Variants in CELF2 observed in about 807,000 individuals in gnomAD.
CELF2 encodes the protein CUGBP Elav-like family member 2.
CELF2 carries 8 observed loss-of-function variants against 62.6 expected under a neutral mutation model. That is an observed-to-expected ratio of 0.13 (90% CI 0.07 to 0.23). The LOEUF is 0.23. CELF2 is among the 10% of genes least tolerant of loss of function. The pLI is 1.00. For synonymous variants in CELF2, 258 were observed against 250.0 expected (o/e 1.03, Z -0.30); for missense variants, 333 against 671.0 (o/e 0.50, Z 5.56).
At chr10:11,057,286 G>A (rs1407590029) in intron 1 of CELF2, among the ~76,000 whole-genome samples, 1 of 144,334 alleles carries the variant, frequency 6.9e-6, no homozygotes, top group Admixed American at 6.8e-5. Context: ...AGGGGTAGGG[G>A]ATGTGTGGGG....
chr10:10,570,234 G>C, the CELF2 span, among the ~76,000 whole-genome samples: 1 of 152,194 alleles, frequency 6.6e-6, no homozygotes, highest in African/African-American at 2.4e-5. Flanking sequence ...TCAGTCAATG[G>C]CCTGAAGAGC....
chr10:10,715,928 A>G, the CELF2 span, among the ~76,000 whole-genome samples: 1 of 152,308 alleles, frequency 6.6e-6, no homozygotes, highest in South Asian at 2.1e-4. Flanking sequence ...ATATGCCCTC[A>G]TTTGGGGTGA....
chr10:10,805,368 C>A (rs1202568800), intron 1 of CELF2, among the ~76,000 whole-genome samples: 2 of 152,198 alleles, frequency 1.3e-5, no homozygotes. Flanking sequence ...CTTTACTACA[C>A]CTCAGAGAGG....
chr10:11,287,299 TG>T (rs1347318134), intron 8 of CELF2, among the ~76,000 whole-genome samples: 2 of 152,202 alleles, frequency 1.3e-5, no homozygotes, highest in East Asian at 3.9e-4. Flanking sequence ...GCTTCTCACA[TG>T]TGCAGTCTTC....
intron 1 of CELF2, among the ~76,000 whole-genome samples, chr10:10,893,073 C>G (rs1018854427): frequency 1.3e-5 from 2 of 152,224 alleles, no homozygotes; most frequent in African/African-American, 4.8e-5. Flanking sequence ...TAGAGCAGAA[C>G]ATTCTAACAC....
intron 2 of CELF2, among the ~76,000 whole-genome samples, chr10:11,179,119 T>C (rs2072338019): frequency 6.6e-6 from 1 of 152,180 alleles, no homozygotes; most frequent in Admixed American, 6.5e-5. Context: ...TCCTTCGGAG[T>C]AATTTTTAAT....
chr10:11,030,561 A>C (rs1303102801), intron 1 of CELF2: 4 of 152,140 alleles, frequency 2.6e-5, no homozygotes, highest in African/African-American at 9.7e-5. Context: ...TCTTGTCTCC[A>C]AAGCCCGAGG....
intron 3 of CELF2, among the ~76,000 whole-genome samples, chr10:11,241,386 G>T (rs1442820862): frequency 6.6e-6 from 1 of 152,154 alleles, no homozygotes; most frequent in Non-Finnish European, 1.5e-5. Flanking sequence ...TTTTAGTAGA[G>T]ACAGAGTTTC....
intron 1 of CELF2, among the ~76,000 whole-genome samples, chr10:10,886,120 C>A (rs9424107): frequency 0.16 from 24,067 of 152,056 alleles, 2,278 homozygotes; most frequent in Non-Finnish European, 0.22. Context: ...TTCCTTGCTT[C>A]ATTCTTGCCT....
intron 8 of CELF2, among the ~76,000 whole-genome samples, chr10:11,284,897 TG>T (rs2139454732): frequency 6.7e-6 from 1 of 149,010 alleles, no homozygotes; most frequent in South Asian, 2.1e-4. Context: ...TGTGGGTGGA[TG>T]GGTGGATGGT....
intron 1 of CELF2, among the ~76,000 whole-genome samples, chr10:10,885,165 C>G (rs1006096801): frequency 6.6e-6 from 1 of 151,862 alleles, no homozygotes; most frequent in Non-Finnish European, 1.5e-5. Context: ...ATCGCTTGAA[C>G]ACGGTAGGTG....
intron 1 of CELF2, among the ~76,000 whole-genome samples, chr10:10,879,149 G>T (rs186342208): frequency 6.6e-6 from 1 of 152,108 alleles, no homozygotes; most frequent in South Asian, 2.1e-4. Flanking sequence ...AAGCCTGCAC[G>T]GCAGTGTACT....
At position 11,227,914 on chromosome 10, in the gene CELF2, T is replaced by G. The variant is rs2067176519; in HGVS notation, c.354+10407T>G. On this transcript the variant is annotated intron_variant, in intron 3 of 12. Transcript: ENST00000633077. The surrounding 1 kb of genome is among the most constrained non-coding windows in gnomAD (Gnocchi z 4.8). The stretch of plus-strand genomic sequence containing the variant: ...TTTTAATCTGTGACATTCCACACTT[T>G]GTGTACTCACCAGCACATACACGGT... 6.6e-6 allele frequency among the ~76,000 whole-genome samples: 1 copy of G among 152,210 alleles called. No individual in the cohort carries two copies. Among genetic ancestry groups the G allele is most frequent in the Admixed American group, 6.5e-5 (1 of 15,290 alleles).
intron 1 of CELF2, among the ~76,000 whole-genome samples, chr10:10,820,680 A>G (rs2056880962): frequency 6.6e-6 from 1 of 152,206 alleles, no homozygotes; most frequent in Admixed American, 6.5e-5. Context: ...AAATCAAGAA[A>G]GGAGTTCCTG....
intron 1 of CELF2, among the ~76,000 whole-genome samples, chr10:10,846,857 T>C (rs946815029): frequency 5.3e-5 from 8 of 152,222 alleles, no homozygotes; most frequent in African/African-American, 1.9e-4. Flanking sequence ...TTGATACCAA[T>C]CTATTGTACA....
At chr10:10,672,638 C>G in the CELF2 span, among the ~76,000 whole-genome samples, 2 of 151,936 alleles carry the variant, frequency 1.3e-5, no homozygotes, top group African/African-American at 2.4e-5. Context: ...AATCTGTCTT[C>G]TGGTCTATTG....
At chr10:11,125,442 T>TAAAA (rs3054369) in intron 1 of CELF2, among the ~76,000 whole-genome samples, 8,342 of 145,750 alleles carry the variant, frequency 0.057, 284 homozygotes, top group Admixed American at 0.099. Flanking sequence ...AGTAACTGGA[T>TAAAA]AAAAAAAAAA....
chr10:11,110,310 C>T lies in CELF2; in HGVS notation c.75-55176C>T, dbSNP rs1280457360. Among the ~76,000 whole-genome samples the T allele has an allele frequency of 1.3e-5, 2 of 152,092 alleles. No homozygotes were observed. The highest frequency in any genetic ancestry group is 4.8e-5 in the African/African-American group (2 of 41,394). ...TCTGCTTTTTGTTCTTTTCTAGCTA[C>T]ATTACATCTTTAGATGTATTACTAG... On this transcript the variant is annotated intron_variant, in intron 1 of 12. Transcript: ENST00000633077. The surrounding 1 kb of genome is among the most constrained non-coding windows in gnomAD (Gnocchi z 4.0).
intron 1 of CELF2, among the ~76,000 whole-genome samples, chr10:11,138,159 A>ACATCCT: frequency 1.3e-5 from 2 of 152,256 alleles, no homozygotes; most frequent in Non-Finnish European, 2.9e-5. Context: ...ATATGGAAAC[A>ACATCCT]GAATATAGCA....
Sources: allele counts gnomAD v4.1 joint callset (sites outside exome capture counted in the v4.1 genomes callset), GRCh38; gene constraint gnomAD v4.1.1; non-coding constraint Gnocchi (gnomAD v3.1); transcripts MANE v1.5; gene names NCBI Gene and HGNC (gene_info 2026-07-23, HGNC 2026-07-21).